Variants in GRIK1 observed in about 807,000 individuals in gnomAD.
GRIK1 encodes the protein glutamate ionotropic receptor kainate type subunit 1.
A neutral mutation model predicts 105.7 loss-of-function variants in GRIK1; 69 were observed. That is an observed-to-expected ratio of 0.65 (90% confidence interval 0.54 to 0.80). The LOEUF (loss-of-function observed/expected upper bound fraction) is 0.80. Among genes scored for constraint, GRIK1 ranks in the 30% least tolerant of loss-of-function variants. The pLI, the probability that GRIK1 is intolerant of heterozygous loss-of-function variation, is 0.00. For synonymous variants in GRIK1, 438 were observed against 431.3 expected (o/e 1.02, Z -0.19); for missense variants, 1,109 against 1,167.3 (o/e 0.95, Z 0.73).
At chr21:29,892,991 A>G (rs1397071239) in intron 1 of GRIK1, among the ~76,000 whole-genome samples, 3 of 152,210 alleles carry the variant, frequency 2.0e-5, no homozygotes, top group African/African-American at 7.2e-5. Context: ...ATGAGCTAAC[A>G]TGGAGAAACC....
At chr21:29,680,240 A>G (rs1312870548) in intron 3 of GRIK1, among the ~76,000 whole-genome samples, 1 of 152,254 alleles carries the variant, frequency 6.6e-6, no homozygotes, top group African/African-American at 2.4e-5. Context: ...TGTTTGAGCA[A>G]TCATTCAAAC....
intron 1 of GRIK1, among the ~76,000 whole-genome samples, chr21:29,812,823 A>T (rs1338639914): frequency 1.3e-5 from 2 of 152,164 alleles, no homozygotes; most frequent in African/African-American, 4.8e-5. Flanking sequence ...CAGTGTGCTA[A>T]ATTTTCCAAA....
intron 1 of GRIK1, among the ~76,000 whole-genome samples, chr21:29,837,403 G>A (rs1218961350): frequency 6.6e-6 from 1 of 152,106 alleles, no homozygotes; most frequent in Non-Finnish European, 1.5e-5. Flanking sequence ...GTTATGTCCA[G>A]GGAAGAACAA....
At chr21:29,821,794 T>C (rs2067313993) in intron 1 of GRIK1, among the ~76,000 whole-genome samples, 1 of 152,076 alleles carries the variant, frequency 6.6e-6, no homozygotes, top group East Asian at 1.9e-4. Flanking sequence ...AATAGATTTG[T>C]ATATAGTTTA....
At chr21:29,898,111 G>A (rs1213964113) in intron 1 of GRIK1, among the ~76,000 whole-genome samples, 1 of 151,992 alleles carries the variant, frequency 6.6e-6, no homozygotes, top group Non-Finnish European at 1.5e-5. Flanking sequence ...TCTGTTCTTG[G>A]GTGAATATCA....
intron 1 of GRIK1, among the ~76,000 whole-genome samples, chr21:29,914,325 T>C (rs560942832): frequency 1.3e-5 from 2 of 152,180 alleles, no homozygotes; most frequent in South Asian, 4.1e-4. Flanking sequence ...ATGTGACCAG[T>C]GCTAGCTGAC....
At chr21:29,737,333 T>C (rs1450360035) in intron 1 of GRIK1, among the ~76,000 whole-genome samples, 1 of 152,152 alleles carries the variant, frequency 6.6e-6, no homozygotes, top group African/African-American at 2.4e-5. Context: ...AAAATTGGAT[T>C]TTATTGGGTA....
At chr21:29,779,339 T>A (rs1217985213) in intron 1 of GRIK1, among the ~76,000 whole-genome samples, 2 of 20,524 alleles carry the variant, frequency 9.7e-5, no homozygotes, top group Non-Finnish European at 4.9e-4. Flanking sequence ...TGAGTGAGTG[T>A]GTGTGTGTGT....
chr21:29,617,735 G>A (rs2061885780), intron 7 of GRIK1, among the ~76,000 whole-genome samples: 1 of 152,162 alleles, frequency 6.6e-6, no homozygotes, highest in Non-Finnish European at 1.5e-5. Context: ...CATTGACAGA[G>A]GCCTGGAGTG....
intron 1 of GRIK1, among the ~76,000 whole-genome samples, chr21:29,910,365 C>G (rs2070773550): frequency 1.3e-5 from 2 of 152,064 alleles, no homozygotes; most frequent in Non-Finnish European, 2.9e-5. Context: ...ACACTTATAT[C>G]TCAGGAAGTC....
intron 3 of GRIK1, among the ~76,000 whole-genome samples, chr21:29,675,267 T>C (rs927712279): frequency 6.6e-6 from 1 of 152,158 alleles, no homozygotes; most frequent in Admixed American, 6.5e-5. Flanking sequence ...GGAACAGATA[T>C]GGCTTAGGAC....
rs763490769 is a variant in GRIK1 at position 29,555,001 on chromosome 21, G to A, written c.2607+51C>T. 6.8e-6 allele frequency: 10 copies of A among 1,476,358 alleles called. No individual in the cohort carries two copies. The Admixed American group carries it at 1.9e-4, about 28-fold the overall frequency. The allele number at this position is 1,476,358 out of a possible 1,614,324, so 91.5% of individuals were successfully genotyped here. ...CATCCTTAAAAACCCCCAAACTTAA[G>A]ACAGATAATGCAAACTATAAACTAA... On this transcript the variant is annotated intron_variant, in intron 16 of 17. Coordinates refer to ENST00000327783, the MANE Select transcript of GRIK1 (RefSeq NM_001330994.2).
At chr21:29,614,646 C>A in intron 7 of GRIK1, among the ~76,000 whole-genome samples, 1 of 151,284 alleles carries the variant, frequency 6.6e-6, no homozygotes, top group Admixed American at 6.6e-5. Flanking sequence ...CTCTCGACCT[C>A]AGGTGATCTG....
intron 7 of GRIK1, among the ~76,000 whole-genome samples, chr21:29,640,577 T>G (rs185979475): frequency 4.6e-5 from 7 of 152,312 alleles, no homozygotes; most frequent in Non-Finnish European, 8.8e-5. Flanking sequence ...TTATTTTCAG[T>G]GTGGTCCCTC....
chr21:29,598,721 C>T (rs1421226212), intron 8 of GRIK1, 109 bp downstream of exon 8: 1 of 537,064 alleles, frequency 1.9e-6, no homozygotes, highest in African/African-American at 2.0e-5. Flanking sequence ...TGTAAAAGAA[C>T]ATGCTTAGAG....
At chr21:29,696,009 G>A (rs932272612) in intron 1 of GRIK1, among the ~76,000 whole-genome samples, 2 of 152,174 alleles carry the variant, frequency 1.3e-5, no homozygotes, top group African/African-American at 2.4e-5. Context: ...TGGACAGACT[G>A]TAATTCAAAG....
chr21:29,603,517 AC>A (rs1444494685), intron 7 of GRIK1, among the ~76,000 whole-genome samples: 1 of 152,114 alleles, frequency 6.6e-6, no homozygotes, highest in Non-Finnish European at 1.5e-5. Context: ...CTGCAATGGG[AC>A]AAAAACTATC....
intron 1 of GRIK1, among the ~76,000 whole-genome samples, chr21:29,747,135 G>A (rs16984892): frequency 0.024 from 3,694 of 152,270 alleles, 128 homozygotes; most frequent in East Asian, 0.1. Flanking sequence ...GAGAATCACA[G>A]TTACCTTAAA....
intron 1 of GRIK1, chr21:29,761,268 ATGTGG>A: frequency 6.6e-6 from 1 of 152,240 alleles, no homozygotes; most frequent in Admixed American, 6.5e-5. Context: ...GCACGCTCTG[ATGTGG>A]ACTTCCAGCT....
Sources: gnomAD v4.1 joint callset for allele counts (sites outside exome capture counted in the v4.1 genomes callset) on GRCh38, gnomAD v4.1.1 for gene constraint, MANE v1.5 for transcripts, NCBI Gene and HGNC (gene_info 2026-07-23, HGNC 2026-07-21) for gene names.